The following PCDH15 variants were observed in gnomAD, a reference collection of about 807,000 sequenced individuals.
The protein encoded by PCDH15 is protocadherin related 15.
A neutral mutation model predicts 178.5 loss-of-function variants in PCDH15; 129 were observed. That is an observed-to-expected ratio of 0.72 (90% CI 0.63 to 0.84). The LOEUF is 0.84. PCDH15 is among the 40% of genes least tolerant of loss of function. The pLI is 0.00. For synonymous variants in PCDH15, 800 were observed against 732.0 expected (o/e 1.09, Z -1.50); for missense variants, 2,230 against 2,099.9 (o/e 1.06, Z -1.21).
intron 1 of PCDH15, among the ~76,000 whole-genome samples, chr10:54,729,892 A>G (rs1943100394): frequency 6.6e-6 from 1 of 151,652 alleles, no homozygotes; most frequent in Non-Finnish European, 1.5e-5. Flanking sequence ...TTAAAAAGTC[A>G]AAAACAAAGA....
At chr10:55,529,741 GTATATATATATATATATATATA>G (rs56254743) in intron 2 of PCDH15, among the ~76,000 whole-genome samples, 9 of 62,758 alleles carry the variant, frequency 1.4e-4, no homozygotes, top group Admixed American at 4.0e-4. Flanking sequence ...TTGTCTGTGA[GTATATATATATATATATATATA>G]TATATATATA....
intron 2 of PCDH15, among the ~76,000 whole-genome samples, chr10:55,534,442 T>C (rs1469021706): frequency 1.3e-5 from 2 of 152,014 alleles, no homozygotes; most frequent in Non-Finnish European, 2.9e-5. Flanking sequence ...AAAGAAAATA[T>C]ACAGGTGACC....
intron 2 of PCDH15, among the ~76,000 whole-genome samples, chr10:54,993,653 A>T (rs1348788788): frequency 2.6e-5 from 4 of 152,046 alleles, no homozygotes; most frequent in African/African-American, 9.7e-5. Context: ...CACACAACAC[A>T]TTTCATGAGT....
At chr10:54,495,397 C>T (rs1229363283) in intron 3 of PCDH15, among the ~76,000 whole-genome samples, 1 of 152,070 alleles carries the variant, frequency 6.6e-6, no homozygotes, top group Non-Finnish European at 1.5e-5. Flanking sequence ...GAAAATATAT[C>T]TCCTTTATTA....
At chr10:54,846,485 T>G (rs969415801) in intron 3 of PCDH15, among the ~76,000 whole-genome samples, 1 of 151,632 alleles carries the variant, frequency 6.6e-6, no homozygotes, top group Non-Finnish European at 1.5e-5. Context: ...TTTTTGAAGG[T>G]TTTTTGAGGG....
At chr10:55,167,269 A>G (rs1839219949) in intron 1 of PCDH15, among the ~76,000 whole-genome samples, 1 of 151,972 alleles carries the variant, frequency 6.6e-6, no homozygotes, top group South Asian at 2.1e-4. Context: ...ATGTGCCACC[A>G]TACTCAGGTC....
At chr10:54,431,660 G>A (rs1956982954) in intron 3 of PCDH15, among the ~76,000 whole-genome samples, 1 of 152,068 alleles carries the variant, frequency 6.6e-6, no homozygotes, top group Admixed American at 6.6e-5. Context: ...TACTGAATGG[G>A]GAAAACCTGA....
intron 2 of PCDH15, among the ~76,000 whole-genome samples, chr10:55,061,354 G>T (rs1357495103): frequency 6.6e-6 from 1 of 152,146 alleles, no homozygotes; most frequent in Non-Finnish European, 1.5e-5. Flanking sequence ...AGAACAACAA[G>T]TAGATGCTAC....
chr10:55,080,522 C>G (rs1281024570), intron 2 of PCDH15, among the ~76,000 whole-genome samples: 1 of 152,124 alleles, frequency 6.6e-6, no homozygotes, highest in Non-Finnish European at 1.5e-5. Context: ...GGTTGGCACT[C>G]CCAGCTCCAA....
At chr10:54,246,863 A>G (rs1377579807) in intron 8 of PCDH15, among the ~76,000 whole-genome samples, 2 of 151,884 alleles carry the variant, frequency 1.3e-5, no homozygotes, top group African/African-American at 2.4e-5. Context: ...GTGAATATGT[A>G]TTATTATCTT....
intron 3 of PCDH15, among the ~76,000 whole-genome samples, chr10:54,395,363 T>TA (rs1328027054): frequency 1.5e-3 from 199 of 130,926 alleles, no homozygotes; most frequent in South Asian, 5.7e-3. Context: ...CAACATAAAA[T>TA]AAAAAAAAAA....
intron 2 of PCDH15, among the ~76,000 whole-genome samples, chr10:54,596,411 C>A: frequency 6.6e-6 from 1 of 152,070 alleles, no homozygotes; most frequent in Admixed American, 6.6e-5. Context: ...AAAGCAAATG[C>A]TGAGGGATTT....
intron 2 of PCDH15, among the ~76,000 whole-genome samples, chr10:55,622,074 A>T (rs1272805924): frequency 9.6e-6 from 1 of 103,672 alleles, no homozygotes; most frequent in East Asian, 2.4e-4. Flanking sequence ...TGTATATATA[A>T]TATATATAAA....
intron 2 of PCDH15, among the ~76,000 whole-genome samples, chr10:55,150,571 T>C (rs911583214): frequency 1.3e-5 from 2 of 152,162 alleles, no homozygotes. Flanking sequence ...AAATTTGATA[T>C]GATTTCACAA....
intron 1 of PCDH15, among the ~76,000 whole-genome samples, chr10:55,255,331 T>A (rs900630263): frequency 2.6e-5 from 4 of 152,232 alleles, no homozygotes; most frequent in African/African-American, 9.6e-5. Flanking sequence ...ATGTGCCACA[T>A]TTTCTTAATC....
intron 26 of PCDH15, among the ~76,000 whole-genome samples, chr10:53,893,507 C>A (rs573166517): frequency 5.4e-4 from 82 of 152,260 alleles, no homozygotes; most frequent in Non-Finnish European, 9.4e-4. Context: ...ACGTTTATAG[C>A]AGCACAATTT....
chr10:54,645,423 G>A (rs958524572), intron 2 of PCDH15, among the ~76,000 whole-genome samples: 3 of 151,664 alleles, frequency 2.0e-5, no homozygotes, highest in Admixed American at 6.6e-5. Flanking sequence ...ACCCACACAC[G>A]AATGAAAAAT....
intron 2 of PCDH15, among the ~76,000 whole-genome samples, chr10:55,135,393 T>C (rs1294825467): frequency 1.3e-5 from 2 of 151,742 alleles, no homozygotes; most frequent in Admixed American, 1.3e-4. Context: ...TTTCAAACCA[T>C]GAAAGCCCCA....
rs544071175 is a variant in PCDH15, at chr10:54,465,527, A to G, written c.157+62285T>C. Among the ~76,000 whole-genome samples, 8 of 152,200 alleles carry G rather than the reference A, an allele frequency of 5.3e-5. 1 individual carries two copies. The South Asian group carries it at 1.7e-3, about 32-fold the overall frequency. On this transcript the variant is annotated intron_variant, in intron 3 of 37. Transcript: ENST00000644397. Reference sequence around the variant, plus strand: ...CTGTGCCTGATTTATTTCATGTAACATAATGACCTCCATTTTACCCCATGT... The same window carrying G: ...CTGTGCCTGATTTATTTCATGTAACGTAATGACCTCCATTTTACCCCATGT...
Sources: allele counts gnomAD v4.1 joint callset (sites outside exome capture counted in the v4.1 genomes callset), GRCh38; gene constraint gnomAD v4.1.1; transcripts MANE v1.5; gene names NCBI Gene and HGNC (gene_info 2026-07-23, HGNC 2026-07-21).